The following PTPRT variants were observed in gnomAD, a reference collection of about 807,000 sequenced individuals.
PTPRT encodes the protein receptor-type tyrosine-protein phosphatase T.
In PTPRT, 56 loss-of-function variants were observed where a neutral mutation model predicts 176.8. The ratio of observed to expected loss-of-function variants is 0.32; its 90% CI spans 0.26 to 0.40. The LOEUF (loss-of-function observed/expected upper bound fraction) is 0.40, where lower values mean the gene tolerates loss of function less well. Among genes scored for constraint, PTPRT ranks in the 10% least tolerant of loss-of-function variants. PTPRT has a pLI of 1.00. For synonymous variants in PTPRT, 783 were observed against 739.0 expected, an observed-to-expected ratio of 1.06 and a Z score of -0.96; for missense variants, 1,540 against 1,908.2, an observed-to-expected ratio of 0.81 and a Z score of 3.60.
At chr20:43,142,106 T>C (rs2014029102) in intron 1 of PTPRT, among the ~76,000 whole-genome samples, 1 of 152,166 alleles carries the variant, frequency 6.6e-6, no homozygotes, top group Non-Finnish European at 1.5e-5. Flanking sequence ...AATCTAAGAA[T>C]TGCTAAGAGG....
At chr20:42,670,890 C>T (rs2146038072) in intron 7 of PTPRT, among the ~76,000 whole-genome samples, 1 of 152,270 alleles carries the variant, frequency 6.6e-6, no homozygotes, top group East Asian at 1.9e-4. Context: ...AACTGAGTGG[C>T]TGAAGACCTG....
At chr20:42,689,309 G>T (rs1185293550) in intron 6 of PTPRT, among the ~76,000 whole-genome samples, 3 of 152,170 alleles carry the variant, frequency 2.0e-5, no homozygotes, top group Non-Finnish European at 4.4e-5. Context: ...GGACGCTGAG[G>T]GGGGTTCAGC....
intron 7 of PTPRT, among the ~76,000 whole-genome samples, chr20:42,595,022 A>C (rs2145770901): frequency 6.6e-6 from 1 of 152,260 alleles, no homozygotes. Flanking sequence ...TTTCAGGACA[A>C]GTAATGTTGG....
chr20:43,097,394 C>T (rs912365688), intron 1 of PTPRT, among the ~76,000 whole-genome samples: 1 of 152,144 alleles, frequency 6.6e-6, no homozygotes, highest in Non-Finnish European at 1.5e-5. Flanking sequence ...AAATGGTGGC[C>T]ATCACAACAA....
In PTPRT at chr20:42,789,506, G is replaced by A. The variant is rs149271009; in HGVS notation, c.486+1689C>T. On this transcript the variant is annotated intron_variant, in intron 3 of 30. Transcript: ENST00000373187. ...GTTTCATCACCTATAAAATGGGTAC[G>A]TAGTACCTGCCTCAAAGGATTGTTG... Among the ~76,000 whole-genome samples the A allele has an allele frequency of 9.9e-3, 1,500 of 152,260 alleles. 9 individuals carry two copies. The highest frequency in any genetic ancestry group is 0.016 in the Non-Finnish European group (1,071 of 68,016).
At chr20:42,304,982 C>T (rs982926351) in intron 12 of PTPRT, among the ~76,000 whole-genome samples, 4 of 152,118 alleles carry the variant, frequency 2.6e-5, no homozygotes, top group African/African-American at 7.2e-5. Context: ...GTGTACCCTG[C>T]GCTAACCACC....
chr20:42,214,794 T>C (rs1423296596), intron 15 of PTPRT, among the ~76,000 whole-genome samples: 4 of 152,186 alleles, frequency 2.6e-5, no homozygotes, highest in African/African-American at 9.6e-5. Context: ...CCCTCCTCCC[T>C]CTGGGTACAT....
At chr20:42,411,517 C>CAAAAAAAAAAAAAAAAAAAAAAAAA (rs10591184) in intron 9 of PTPRT, among the ~76,000 whole-genome samples, 9 of 88,302 alleles carry the variant, frequency 1.0e-4, no homozygotes, top group Non-Finnish European at 1.3e-4. Context: ...AACCCTGTCT[C>CAAAAAAAAAAAAAAAAAAAAAAAAA]AAAAAAAAAA....
In PTPRT at chr20:43,103,626, C is replaced by T. The variant is rs183108734; in HGVS notation, c.88+86020G>A. ...GGGGGCAATATCACCCCCAAGGGGG[C>T]AAAAATTGTTCTTAGGATGGAGAGC... On this transcript the variant is annotated intron_variant, in intron 1 of 30. Transcript: ENST00000373187. Among the ~76,000 whole-genome samples the T allele has an allele frequency of 1.3e-4, 20 of 152,122 alleles. No homozygotes were observed. The East Asian group carries it at 3.7e-3, about 28-fold the overall frequency.
intron 16 of PTPRT, among the ~76,000 whole-genome samples, chr20:42,189,254 A>T (rs1454936951): frequency 2.0e-5 from 3 of 152,138 alleles, no homozygotes; most frequent in Non-Finnish European, 4.4e-5. Context: ...GTTCTCTTGC[A>T]CTATTTTCAA....
chr20:42,045,665 T>TA, the PTPRT span, among the ~76,000 whole-genome samples: 1 of 151,526 alleles, frequency 6.6e-6, no homozygotes, highest in Non-Finnish European at 1.5e-5. Flanking sequence ...CTTTTTTTTT[T>TA]CTTTTAAACA....
chr20:42,757,445 G>A (rs1032171400), intron 5 of PTPRT, among the ~76,000 whole-genome samples: 3 of 152,146 alleles, frequency 2.0e-5, no homozygotes, highest in African/African-American at 7.2e-5. Flanking sequence ...GGGAGGGGAT[G>A]GGAGCCTTCC....
At chr20:42,635,634 C>T (rs948424382) in intron 7 of PTPRT, among the ~76,000 whole-genome samples, 1 of 152,040 alleles carries the variant, frequency 6.6e-6, no homozygotes, top group Non-Finnish European at 1.5e-5. Context: ...TACATTTGAA[C>T]AAATACCATG....
At chr20:42,544,262 A>C (rs1362763007) in intron 7 of PTPRT, among the ~76,000 whole-genome samples, 1 of 152,200 alleles carries the variant, frequency 6.6e-6, no homozygotes, top group Non-Finnish European at 1.5e-5. Flanking sequence ...TCTTAGCTAC[A>C]CATGCTGAAT....
intron 1 of PTPRT, among the ~76,000 whole-genome samples, chr20:43,033,054 C>T: frequency 6.6e-6 from 1 of 152,136 alleles, no homozygotes. Context: ...TGAGACCTCC[C>T]AAAGAAGACA....
chr20:42,484,553 A>T (rs932641402), intron 7 of PTPRT, among the ~76,000 whole-genome samples: 2 of 152,162 alleles, frequency 1.3e-5, no homozygotes, highest in South Asian at 2.1e-4. Flanking sequence ...CATCAGAAGG[A>T]ATGTAGCCCA....
chr20:42,211,053 C>T (rs1479581724), intron 15 of PTPRT, among the ~76,000 whole-genome samples: 1 of 152,076 alleles, frequency 6.6e-6, no homozygotes, highest in Non-Finnish European at 1.5e-5. Context: ...GGAAAGGATT[C>T]CCTCTCTAAT....
chr20:42,947,947 G>A (rs944449217), intron 1 of PTPRT, among the ~76,000 whole-genome samples: 1 of 152,184 alleles, frequency 6.6e-6, no homozygotes, highest in African/African-American at 2.4e-5. Context: ...TACTAGAACA[G>A]TGCCTGGCAC....
chr20:42,863,427 G>A (rs1187895987), intron 2 of PTPRT, among the ~76,000 whole-genome samples: 3 of 152,300 alleles, frequency 2.0e-5, no homozygotes, highest in African/African-American at 4.8e-5. Flanking sequence ...AATGAGAGCA[G>A]GGAAGGATGG....
Sources: allele counts gnomAD v4.1 joint callset (sites outside exome capture counted in the v4.1 genomes callset), GRCh38; gene constraint gnomAD v4.1.1; transcripts MANE v1.5; gene names NCBI Gene and HGNC (gene_info 2026-07-23, HGNC 2026-07-21).